The following CHPT1 variants were observed in gnomAD, a reference collection of about 807,000 sequenced individuals.
The protein encoded by CHPT1 is choline phosphotransferase 1, also known as cholinephosphotransferase 1.
In CHPT1, 36 loss-of-function variants were observed where a neutral mutation model predicts 47.6. The observed-to-expected ratio is 0.76, with a 90% CI of 0.58 to 1.00. CHPT1 has a LOEUF of 1.00. Among genes scored for constraint, CHPT1 ranks in the 50% least tolerant of loss-of-function variants. CHPT1 has a pLI of 0.00. For synonymous variants in CHPT1, 194 were observed against 186.3 expected (o/e 1.04, Z -0.33); for missense variants, 458 against 498.1 (o/e 0.92, Z 0.77).
At chr12:101,721,065 T>A (rs1271471466) in intron 5 of CHPT1, among the ~76,000 whole-genome samples, 1 of 152,072 alleles carries the variant, frequency 6.6e-6, no homozygotes, top group African/African-American at 2.4e-5. Context: ...GTGGATCACT[T>A]GAGGTCAAGA....
At chr12:101,699,178 T>G (rs1033214297) in intron 1 of CHPT1, among the ~76,000 whole-genome samples, 5 of 150,466 alleles carry the variant, frequency 3.3e-5, no homozygotes, top group African/African-American at 9.8e-5. Flanking sequence ...ACCTCCGCCT[T>G]CAGGGTTCAA....
chr12:101,717,447 G>GAAT (rs1195348036), intron 4 of CHPT1: 1 of 338,488 alleles, frequency 3.0e-6, no homozygotes, highest in African/African-American at 2.1e-5. Flanking sequence ...ATAGTGTTAA[G>GAAT]AATAATAATA....
rs1951737525 is a variant in CHPT1 at position 101,714,543 on chromosome 12, G to A, written c.461G>A (p.Gly154Glu). 1.9e-6 allele frequency: 3 copies of A among 1,611,766 alleles called. No individual in the cohort carries two copies. Among genetic ancestry groups the A allele is most frequent in the Non-Finnish European group, 2.5e-6 (3 of 1,179,056 alleles). Residue 154 changes from glycine (G) to glutamate (E), a missense_variant, in exon 3 of 9, where the codon GGA (glycine) becomes GAA (glutamate). By Grantham distance (98) the Gly-to-Glu change is moderately conservative. Transcript: ENST00000229266. Reference protein sequence around the residue: ...AVGASIAARLGTYPDWFFFCS... With the variant: ...AVGASIAARLETYPDWFFFCS... Reference sequence around the variant, plus strand: ...GGAGCTTCAATTGCCGCTCGCTTAGGAACTTATCCTGACTGGTTTTTTTTC... The same window carrying A: ...GGAGCTTCAATTGCCGCTCGCTTAGAAACTTATCCTGACTGGTTTTTTTTC...
At chr12:101,716,609 T>TA (rs1368557161) in intron 3 of CHPT1, 119 bp from the exon 4 acceptor site, 1 of 581,902 alleles carries the variant, frequency 1.7e-6, no homozygotes, top group African/African-American at 1.9e-5. Context: ...GAAGTAAAGG[T>TA]AAAAATAAAC....
rs536995718 is a variant in CHPT1 at position 101,718,117 on chromosome 12, T to G, written c.648+1305T>G. On this transcript the variant is annotated intron_variant, in intron 4 of 8. Coordinates refer to ENST00000229266, the MANE Select transcript of CHPT1 (RefSeq NM_020244.3). The stretch of plus-strand genomic sequence containing the variant: ...AAAAGGATCAGAAGTTACCATGGGT[T>G]GGAGGAAGAAGGGATGAATAGGTGA... Among the ~76,000 whole-genome samples, 7 of 152,316 alleles carry G rather than the reference T, an allele frequency of 4.6e-5. No individual in the cohort carries two copies. The South Asian group carries it at 1.4e-3, about 32-fold the overall frequency.
In CHPT1 at chr12:101,698,065, G is replaced by C. The variant is rs1951490438; in HGVS notation, c.204G>C (p.Leu68=). 8.3e-6 allele frequency: 13 copies of C among 1,571,036 alleles called. No homozygotes were observed. The highest frequency in any genetic ancestry group is 1.1e-5 in the Non-Finnish European group (13 of 1,167,012). ...GGATGGCCCCCAACTCCATCACCCT[G>C]CTGGGGCTCGCCGTCAACGTGGTCA... ...PLWMAPNSIT[L]LGLAVNVVTT... The change falls in exon 1 of 9, where the codon CTG becomes CTC. Residue 68 remains leucine (L), a synonymous_variant. Transcript: ENST00000229266.
chr12:101,716,762 A>T lies in CHPT1; in HGVS notation c.598A>T (p.Ile200Phe). Residue 200 changes from isoleucine (I) to phenylalanine (F), a missense_variant, in exon 4 of 9, where the codon ATT becomes TTT. Physicochemically the swap from Ile to Phe is conservative, Grantham distance 21 (BLOSUM62 0). Coordinates refer to ENST00000229266, the MANE Select transcript of CHPT1 (RefSeq NM_020244.3). ...DVTEIQIALV[I>F]VFVLSAFGGA... Reference sequence around the variant, plus strand: ...AACTGAAATTCAGATAGCTTTAGTGATTGTCTTTGTGTTGTCTGCATTTGG... The same window carrying T: ...AACTGAAATTCAGATAGCTTTAGTGTTTGTCTTTGTGTTGTCTGCATTTGG... 6.2e-7 allele frequency: 1 copy of T among 1,608,838 alleles called. No individual in the cohort carries two copies. The highest frequency in any genetic ancestry group is 8.5e-7 in the Non-Finnish European group (1 of 1,177,670).
At chr12:101,716,935 T>A (rs1011966936) in intron 4 of CHPT1, 123 bp downstream of exon 4, 29 of 583,022 alleles carry the variant, frequency 5.0e-5, no homozygotes, top group Admixed American at 7.1e-5. Flanking sequence ...TTAATTGGTG[T>A]ATTTAATATT....
Position 101,715,951 on chromosome 12 carries a change from C to A in CHPT1, c.564-777C>A, listed in dbSNP as rs146704895. 2.6e-3 allele frequency among the ~76,000 whole-genome samples: 395 copies of A among 152,152 alleles called. 2 individuals carry two copies. Among genetic ancestry groups the A allele is most frequent in the African/African-American group, 8.9e-3 (371 of 41,526 alleles). ...ATGCAAGATAATTAATGAAATGTAT[C>A]CCTTAGATTTGTATCCTTTAATTGG... On this transcript the variant is annotated intron_variant, in intron 3 of 8. Transcript: ENST00000229266.
intron 8 of CHPT1, chr12:101,727,577 T>A (rs1951990002): frequency 6.6e-6 from 1 of 151,678 alleles, no homozygotes; most frequent in Admixed American, 6.6e-5. Context: ...CAGTGAAAGA[T>A]GATATTCCTT....
intron 8 of CHPT1, chr12:101,728,216 CTCCA>C (rs1284134777): frequency 6.6e-6 from 1 of 152,294 alleles, no homozygotes; most frequent in East Asian, 1.9e-4. Flanking sequence ...CTCCACTGCA[CTCCA>C]GCTGGGGTGA....
rs538477066 is a variant in CHPT1 at position 101,710,629 on chromosome 12, G to T, written c.274-3461G>T. 7.4e-5 allele frequency among the ~76,000 whole-genome samples: 11 copies of T among 148,696 alleles called. 1 individual carries two copies. In the East Asian group the frequency reaches 1.2e-3, roughly 16 times the overall value. On this transcript the variant is annotated intron_variant, in intron 1 of 8. Coordinates refer to ENST00000229266, the MANE Select transcript of CHPT1 (RefSeq NM_020244.3). ...CATTTCCCTTTTCTAAATTAAGAGCGGGATATAATTTGGGGTAGAGTCACC... is the reference window on the plus strand; with the variant it reads ...CATTTCCCTTTTCTAAATTAAGAGCTGGATATAATTTGGGGTAGAGTCACC...
At chr12:101,699,391 C>CT (rs5800481) in intron 1 of CHPT1, among the ~76,000 whole-genome samples, 70,362 of 136,826 alleles carry the variant, frequency 0.51, 18,871 homozygotes, top group Admixed American at 0.6. Context: ...TATTTCTTTT[C>CT]TTTTTTTTTT....
intron 4 of CHPT1, among the ~76,000 whole-genome samples, chr12:101,717,777 T>A (rs965821927): frequency 2.6e-5 from 4 of 152,160 alleles, no homozygotes; most frequent in African/African-American, 7.2e-5. Flanking sequence ...CTCCTTGTTA[T>A]TTACCTAAAT....
intron 4 of CHPT1, among the ~76,000 whole-genome samples, chr12:101,717,751 A>T (rs1201703274): frequency 6.6e-6 from 1 of 152,228 alleles, no homozygotes; most frequent in Non-Finnish European, 1.5e-5. Flanking sequence ...TGTGGTAAAC[A>T]TGATCAGCAG....
chr12:101,723,065 C>A, intron 5 of CHPT1, 103 bp from the exon 6 acceptor site: 1 of 1,031,576 alleles, frequency 9.7e-7, no homozygotes, highest in Non-Finnish European at 1.5e-6. Flanking sequence ...CTACATCACA[C>A]TGTTCTTTAG....
At chr12:101,703,187 A>C (rs1366099000) in intron 1 of CHPT1, among the ~76,000 whole-genome samples, 1 of 152,194 alleles carries the variant, frequency 6.6e-6, no homozygotes, top group Non-Finnish European at 1.5e-5. Flanking sequence ...TGCGAAGTTG[A>C]AGAACAGAAC....
At chr12:101,723,146 G>T in intron 5 of CHPT1, 22 bp from the exon 6 acceptor site, 2 of 1,602,772 alleles carry the variant, frequency 1.2e-6, no homozygotes, top group South Asian at 2.2e-5. Flanking sequence ...ATGTGATACT[G>T]ATTTTCTGCT....
intron 1 of CHPT1, 105 bp downstream of exon 1, chr12:101,698,239 GC>G: frequency 7.5e-7 from 1 of 1,337,972 alleles, no homozygotes. Context: ...CCTCTCCCGG[GC>G]CCCGGAGGGG....
Sources: gnomAD v4.1 joint callset for allele counts (sites outside exome capture counted in the v4.1 genomes callset) on GRCh38, gnomAD v4.1.1 for gene constraint, MANE v1.5 for transcripts, NCBI Gene and HGNC (gene_info 2026-07-23, HGNC 2026-07-21) for gene names.